ABLIM2: variants seen among roughly 807,000 people sequenced by gnomAD.
The protein encoded by ABLIM2 is actin binding LIM protein family member 2, also known as actin-binding LIM protein 2.
ABLIM2 carries 53 observed loss-of-function variants against 97.7 expected under a neutral mutation model. That is an observed-to-expected ratio of 0.54 (90% confidence interval 0.44 to 0.68). The LOEUF is 0.68. ABLIM2 is among the 30% of genes least tolerant of loss of function. ABLIM2 has a pLI of 0.00. For synonymous variants in ABLIM2, 361 were observed against 345.8 expected, an observed-to-expected ratio of 1.04 and a Z score of -0.49; for missense variants, 835 against 867.2, an observed-to-expected ratio of 0.96 and a Z score of 0.47.
At chr4:8,141,620 G>C (rs890749490) in intron 1 of ABLIM2, among the ~76,000 whole-genome samples, 3 of 152,180 alleles carry the variant, frequency 2.0e-5, no homozygotes, top group Non-Finnish European at 4.4e-5. Flanking sequence ...GACCTCAAAT[G>C]ATCCTCCTGC....
intron 20 of ABLIM2, among the ~76,000 whole-genome samples, chr4:7,967,558 C>T (rs1394169138): frequency 1.3e-5 from 2 of 152,162 alleles, no homozygotes; most frequent in African/African-American, 4.8e-5. Flanking sequence ...GAGGGTGGGG[C>T]GCGGACAGTG....
chr4:7,974,071 T>C (rs942043052), intron 20 of ABLIM2, among the ~76,000 whole-genome samples: 1 of 152,226 alleles, frequency 6.6e-6, no homozygotes, highest in African/African-American at 2.4e-5. Context: ...CCCGGCTTGC[T>C]GGCTTGCCCT....
chr4:7,985,030 A>C, intron 17 of ABLIM2, 137 bp from the exon 18 acceptor site: 5 of 832,848 alleles, frequency 6.0e-6, no homozygotes. Context: ...TTAGCACAGC[A>C]GTGGGGCGTG....
chr4:8,123,359 A>C lies in ABLIM2; in HGVS notation c.11-16722T>G, dbSNP rs1036824632. 6.6e-6 allele frequency among the ~76,000 whole-genome samples: 1 copy of C among 152,144 alleles called. No homozygotes were observed. The highest frequency in any genetic ancestry group is 1.5e-5 in the Non-Finnish European group (1 of 68,020). On this transcript the variant is annotated intron_variant, in intron 1 of 20. Transcript: ENST00000447017. This position sits in a 1 kb window ranked among gnomAD's most constrained non-coding sequence, Gnocchi z 6.2. ...CAGAGATGCTCAGTAACCTGTCTAG[A>C]TCACACAGCCTTCAACTGGCAGGGT...
intron 17 of ABLIM2, among the ~76,000 whole-genome samples, chr4:7,990,805 T>C (rs977550794): frequency 6.6e-6 from 1 of 152,068 alleles, no homozygotes; most frequent in Non-Finnish European, 1.5e-5. Context: ...TATCTGGCCT[T>C]CTCACTGAGA....
Position 8,020,208 on chromosome 4 carries a change from C to G in ABLIM2, c.1363G>C (p.Val455Leu), listed in dbSNP as rs368630237. 1 of 1,612,796 alleles carries G rather than the reference C, an allele frequency of 6.2e-7. No homozygotes were observed. The highest frequency in any genetic ancestry group is 1.1e-5 in the South Asian group (1 of 90,902). Residue 455 changes from valine (V) to leucine (L), a missense_variant, in exon 13 of 21, where the codon GTC becomes CTC. Transcript: ENST00000447017. ...TYQQAPRHFHVPDTGVKDNIY... is the reference protein window; with the variant it reads ...TYQQAPRHFHLPDTGVKDNIY... Reference sequence around the variant, plus strand: ...AGCGTGTCCCGGAGCCTACCTGGGACGTGGAAGTGGCGAGGTGCCTGCTGG... The same window carrying G: ...AGCGTGTCCCGGAGCCTACCTGGGAGGTGGAAGTGGCGAGGTGCCTGCTGG...
chr4:8,027,644 A>C, intron 12 of ABLIM2, 115 bp downstream of exon 12: 1 of 736,444 alleles, frequency 1.4e-6, no homozygotes, highest in Non-Finnish European at 2.1e-6. Context: ...AGAGGGGCAC[A>C]GGGCATGAAA....
At chr4:8,121,568 A>G (rs1300330046) in intron 1 of ABLIM2, among the ~76,000 whole-genome samples, 1 of 152,176 alleles carries the variant, frequency 6.6e-6, no homozygotes, top group Non-Finnish European at 1.5e-5. Context: ...GGCCCAGCCC[A>G]GGTCACGCAG....
At chr4:8,139,784 A>G (rs961132804) in intron 1 of ABLIM2, among the ~76,000 whole-genome samples, 2 of 152,238 alleles carry the variant, frequency 1.3e-5, no homozygotes, top group African/African-American at 4.8e-5. Flanking sequence ...TCATTCTATT[A>G]TAAAGATACA....
rs781270824 is a variant in ABLIM2 at position 8,019,580 on chromosome 4, C to T, written c.1423+38G>A. 95 of 1,582,316 alleles carry T rather than the reference C, an allele frequency of 6.0e-5. 1 individual carries two copies. In the Admixed American group the frequency reaches 9.6e-4, roughly 16 times the overall value. On this transcript the variant is annotated intron_variant, in intron 14 of 20. Coordinates refer to ENST00000447017, the MANE Select transcript of ABLIM2 (RefSeq NM_001130083.2). This position sits in a 1 kb window ranked among gnomAD's most constrained non-coding sequence, Gnocchi z 4.3. ...AAGCAGATGGGTATTGACAGGCATGCGGGGCAAACCACAGCAGCGGGAGGA... is the reference window on the plus strand; with the variant it reads ...AAGCAGATGGGTATTGACAGGCATGTGGGGCAAACCACAGCAGCGGGAGGA...
chr4:8,129,808 C>T (rs1199354121), intron 1 of ABLIM2, among the ~76,000 whole-genome samples: 2 of 152,158 alleles, frequency 1.3e-5, no homozygotes, highest in Admixed American at 1.3e-4. Context: ...TAGAAGAGGC[C>T]ATAATGATCA....
At chr4:8,078,663 C>T in intron 5 of ABLIM2, among the ~76,000 whole-genome samples, 1 of 152,226 alleles carries the variant, frequency 6.6e-6, no homozygotes, top group Non-Finnish European at 1.5e-5. Context: ...CAGGCCTGTG[C>T]TCAAATGCCA....
chr4:7,987,572 C>T (rs536399660), intron 17 of ABLIM2, among the ~76,000 whole-genome samples: 16 of 152,316 alleles, frequency 1.1e-4, no homozygotes, highest in East Asian at 3.9e-4. Context: ...AGAAATGCTG[C>T]CCCCTAGTGC....
At position 8,130,868 on chromosome 4, in the gene ABLIM2, C is replaced by T. The variant is rs1049458000; in HGVS notation, c.11-24231G>A. Among the ~76,000 whole-genome samples the T allele has an allele frequency of 6.6e-6, 1 of 152,206 alleles. No individual in the cohort carries two copies. Among genetic ancestry groups the T allele is most frequent in the African/African-American group, 2.4e-5 (1 of 41,442 alleles). On this transcript the variant is annotated intron_variant, in intron 1 of 20. Transcript: ENST00000447017. This position sits in a 1 kb window ranked among gnomAD's most constrained non-coding sequence, Gnocchi z 4.2. Reference sequence around the variant, plus strand: ...CTAGGGCAGGCTGTCCTTGCCTTGCCTGGCTGCTGGGGCGGCCTGCATTTC... The same window carrying T: ...CTAGGGCAGGCTGTCCTTGCCTTGCTTGGCTGCTGGGGCGGCCTGCATTTC...
At chr4:8,101,540 G>C (rs1344696731) in intron 2 of ABLIM2, among the ~76,000 whole-genome samples, 1 of 152,210 alleles carries the variant, frequency 6.6e-6, no homozygotes, top group Non-Finnish European at 1.5e-5. Context: ...GCTATTTATA[G>C]TCCCAGATGG....
intron 7 of ABLIM2, among the ~76,000 whole-genome samples, chr4:8,059,470 G>A (rs1801446512): frequency 1.3e-5 from 2 of 152,080 alleles, no homozygotes; most frequent in Admixed American, 6.6e-5. Context: ...CTTCTCAGTG[G>A]AGAAGGCACA....
chr4:8,121,647 G>A (rs983117878), intron 1 of ABLIM2, among the ~76,000 whole-genome samples: 1 of 152,192 alleles, frequency 6.6e-6, no homozygotes, highest in Non-Finnish European at 1.5e-5. Context: ...TGTCCCCCAG[G>A]GTCTCATTGC....
At chr4:8,135,031 A>T (rs1849983107) in intron 1 of ABLIM2, among the ~76,000 whole-genome samples, 1 of 152,244 alleles carries the variant, frequency 6.6e-6, no homozygotes, top group Non-Finnish European at 1.5e-5. Flanking sequence ...GCCCTTGTCC[A>T]AAATGCTCAG....
At chr4:8,057,719 C>G (rs1022977444) in intron 7 of ABLIM2, among the ~76,000 whole-genome samples, 1 of 152,220 alleles carries the variant, frequency 6.6e-6, no homozygotes, top group Non-Finnish European at 1.5e-5. Flanking sequence ...TGGGAAAGTC[C>G]GCGGCAGGAA....
Sources: allele counts gnomAD v4.1 joint callset (sites outside exome capture counted in the v4.1 genomes callset), GRCh38; gene constraint gnomAD v4.1.1; non-coding constraint Gnocchi (gnomAD v3.1); transcripts MANE v1.5; gene names NCBI Gene and HGNC (gene_info 2026-07-23, HGNC 2026-07-21).